Variants in CDH12 observed in about 807,000 individuals in gnomAD.
The protein encoded by CDH12 is cadherin-12.
A neutral mutation model predicts 74.1 loss-of-function variants in CDH12; 41 were observed. The observed-to-expected ratio is 0.55, with a 90% CI of 0.43 to 0.72. The LOEUF (loss-of-function observed/expected upper bound fraction) is 0.72, where lower values mean the gene tolerates loss of function less well. Among genes scored for constraint, CDH12 ranks in the 30% least tolerant of loss-of-function variants. The pLI is 0.00. For synonymous variants in CDH12, 399 were observed against 355.0 expected (o/e 1.12, Z -1.39); for missense variants, 945 against 977.2 (o/e 0.97, Z 0.44).
In CDH12 at chr5:22,357,492, A is replaced by G. The variant is rs185291633; in HGVS notation, c.-333+47765T>C. Among the ~76,000 whole-genome samples the G allele has an allele frequency of 1.3e-3, 195 of 152,312 alleles. 1 individual carries two copies. Among genetic ancestry groups the G allele is most frequent in the African/African-American group, 4.5e-3 (188 of 41,568 alleles). On this transcript the variant is annotated intron_variant, in intron 3 of 14. Transcript: ENST00000382254. ...ATTTGTAAAAATGAAAATAATTCCA[A>G]TTAACATAAAAACGTTATCTACCTA...
chr5:22,695,402 T>A lies in CDH12; in HGVS notation c.-523+157656A>T, dbSNP rs148263049. On this transcript the variant is annotated intron_variant, in intron 1 of 14. Transcript: ENST00000382254. ...GTCAAATGTTATTTCTGATTCTAGA[T>A]CCTTGAGAAATCACCACAAATATGT... Among the ~76,000 whole-genome samples the A allele has an allele frequency of 3.7e-3, 556 of 152,152 alleles. 4 individuals carry two copies. The highest frequency in any genetic ancestry group is 0.027 in the Middle Eastern group (8 of 292).
intron 5 of CDH12, among the ~76,000 whole-genome samples, chr5:21,976,877 T>C (rs1254730185): frequency 6.6e-6 from 1 of 152,044 alleles, no homozygotes; most frequent in Non-Finnish European, 1.5e-5. Flanking sequence ...AAATATCCTG[T>C]TGCAAATAAG....
intron 1 of CDH12, among the ~76,000 whole-genome samples, chr5:22,775,060 T>G (rs1369635609): frequency 6.6e-6 from 1 of 151,096 alleles, no homozygotes; most frequent in East Asian, 1.9e-4. Context: ...ACATATTTCA[T>G]ATATTAGAAT....
At chr5:21,871,831 CT>C (rs1751639591) in intron 6 of CDH12, among the ~76,000 whole-genome samples, 1 of 152,148 alleles carries the variant, frequency 6.6e-6, no homozygotes, top group Non-Finnish European at 1.5e-5. Flanking sequence ...ACTTGCAAGA[CT>C]CCTATCCTCA....
chr5:22,688,525 G>A (rs143081115), intron 1 of CDH12, among the ~76,000 whole-genome samples: 39 of 152,208 alleles, frequency 2.6e-4, no homozygotes, highest in Middle Eastern at 3.4e-3. Flanking sequence ...AGTGGATCCC[G>A]CAGCGATGGA....
chr5:21,751,904 C>T lies in CDH12; in HGVS notation c.2218G>A (p.Ala740Thr). The change falls in exon 15 of 15, where the codon GCC becomes ACC. Residue 740 changes from alanine (A) to threonine (T), a missense_variant. Coordinates refer to ENST00000382254, the MANE Select transcript of CDH12 (RefSeq NM_004061.5). ...GCCACGGACCCACTCCCTTCGTAGG[C>T]ATATGTGGCCAGTGAATCGTATGGT... ...APPYDSLATYAYEGSGSVAES... is the reference protein window; with the variant it reads ...APPYDSLATYTYEGSGSVAES... The T allele has an allele frequency of 4.3e-6, 7 of 1,614,042 alleles. No homozygotes were observed. The highest frequency in any genetic ancestry group is 5.9e-6 in the Non-Finnish European group (7 of 1,180,008).
intron 1 of CDH12, among the ~76,000 whole-genome samples, chr5:22,738,339 C>G (rs1189600926): frequency 6.6e-6 from 1 of 152,068 alleles, no homozygotes; most frequent in Non-Finnish European, 1.5e-5. Flanking sequence ...GAGACACATG[C>G]TTTAGGAAAT....
intron 3 of CDH12, among the ~76,000 whole-genome samples, chr5:22,334,003 C>T (rs775276593): frequency 6.6e-5 from 10 of 152,046 alleles, no homozygotes; most frequent in African/African-American, 1.2e-4. Context: ...CCATGTATAA[C>T]GGACCACATG....
In CDH12 at chr5:21,975,124, A is replaced by G; in HGVS notation, c.493T>C (p.Tyr165His). Residue 165 changes from tyrosine (Y) to histidine (H), a missense_variant, in exon 6 of 15, where the codon TAT becomes CAT. Tyr to His is a moderately conservative substitution (Grantham distance 83). Around this residue, in one of 3 missense-constraint regions of CDH12, gnomAD observed 791 missense variants for 792.8 expected, o/e 1.00. Coordinates refer to ENST00000382254, the MANE Select transcript of CDH12 (RefSeq NM_004061.5). ...DNEPKFLDGP[Y>H]VATVPEMSPV... is the part of the protein sequence containing the mutation. ...GACATTTCTGGAACAGTAGCAACAT[A>G]AGGTCCATCCAAAAACTTTGGCTCA... The G allele has an allele frequency of 6.3e-7, 1 of 1,597,172 alleles. No individual in the cohort carries two copies. Among genetic ancestry groups the G allele is most frequent in the Non-Finnish European group, 8.5e-7 (1 of 1,179,544 alleles).
intron 1 of CDH12, among the ~76,000 whole-genome samples, chr5:22,575,280 A>C (rs1021213303): frequency 6.6e-6 from 1 of 151,858 alleles, no homozygotes; most frequent in Non-Finnish European, 1.5e-5. Context: ...CCCAACCCTT[A>C]TTGTATTTCT....
At chr5:22,550,840 C>G (rs1410163550) in intron 1 of CDH12, among the ~76,000 whole-genome samples, 1 of 152,204 alleles carries the variant, frequency 6.6e-6, no homozygotes, top group Non-Finnish European at 1.5e-5. Context: ...GGTTCTGCCT[C>G]CTCTCTGCTT....
chr5:22,060,913 C>T (rs1176251441), intron 5 of CDH12, among the ~76,000 whole-genome samples: 1 of 152,118 alleles, frequency 6.6e-6, no homozygotes, highest in Non-Finnish European at 1.5e-5. Context: ...ATCCATTAGG[C>T]CTATCTATCT....
intron 6 of CDH12, among the ~76,000 whole-genome samples, chr5:21,902,855 G>A (rs916029515): frequency 6.6e-6 from 1 of 152,060 alleles, no homozygotes; most frequent in Non-Finnish European, 1.5e-5. Flanking sequence ...AAACATTGGG[G>A]AACACTTGTA....
intron 5 of CDH12, among the ~76,000 whole-genome samples, chr5:22,077,065 T>C (rs2150223804): frequency 6.6e-6 from 1 of 151,802 alleles, no homozygotes; most frequent in South Asian, 2.1e-4. Context: ...TGTGTGTGTG[T>C]GTGTGTGTGT....
At chr5:21,788,717 T>A (rs995529098) in intron 10 of CDH12, among the ~76,000 whole-genome samples, 6 of 152,140 alleles carry the variant, frequency 3.9e-5, no homozygotes, top group Non-Finnish European at 7.4e-5. Flanking sequence ...TTTATCACTT[T>A]CTCTCTTCTC....
intron 1 of CDH12, among the ~76,000 whole-genome samples, chr5:22,590,697 T>C (rs1740655563): frequency 6.6e-6 from 1 of 152,180 alleles, no homozygotes; most frequent in Admixed American, 6.5e-5. Flanking sequence ...AAAAACAATA[T>C]TTGCAGGTTG....
chr5:21,922,013 C>T (rs557539057), intron 6 of CDH12, among the ~76,000 whole-genome samples: 1 of 152,218 alleles, frequency 6.6e-6, no homozygotes, highest in Admixed American at 6.5e-5. Context: ...GTTATAGTAA[C>T]TTCTTTTACC....
rs946853885 is a variant in CDH12 at position 22,282,105 on chromosome 5, C to A, written c.-332-69462G>T. ...ACAAATAACACCATGCATCTACAAC[C>A]ATCTGATCTTTGACAAACTTGACAA... On this transcript the variant is annotated intron_variant, in intron 3 of 14. Transcript: ENST00000382254. 4.6e-5 allele frequency among the ~76,000 whole-genome samples: 7 copies of A among 152,208 alleles called. 1 individual carries two copies. In the South Asian group the frequency reaches 8.3e-4, roughly 18 times the overall value.
intron 5 of CDH12, among the ~76,000 whole-genome samples, chr5:22,042,850 A>C (rs1158819886): frequency 1.3e-5 from 2 of 148,638 alleles, no homozygotes; most frequent in Non-Finnish European, 3.0e-5. Context: ...AGATCATGCC[A>C]CCACACTCCA....
Sources: allele counts gnomAD v4.1 joint callset (sites outside exome capture counted in the v4.1 genomes callset), GRCh38; gene constraint gnomAD v4.1.1; regional missense constraint gnomAD v4.1.1; transcripts MANE v1.5; gene names NCBI Gene and HGNC (gene_info 2026-07-23, HGNC 2026-07-21).